Variants in PCDHGA8 observed in about 807,000 individuals in gnomAD.
PCDHGA8 encodes protocadherin gamma-A8.
In PCDHGA8, 45 loss-of-function variants were observed where a neutral mutation model predicts 59.2. The ratio of observed to expected loss-of-function variants is 0.76; its 90% CI spans 0.60 to 0.98. PCDHGA8 has a LOEUF of 0.98. PCDHGA8 is among the 50% of genes least tolerant of loss of function. The pLI, the probability that PCDHGA8 is intolerant of heterozygous loss-of-function variation, is 0.00. For synonymous variants in PCDHGA8, 531 were observed against 519.0 expected, an observed-to-expected ratio of 1.02 and a Z score of -0.32; for missense variants, 1,257 against 1,196.2, an observed-to-expected ratio of 1.05 and a Z score of -0.75.
chr5:141,436,713 G>T (rs2097842329), intron 1 of PCDHGA8, among the ~76,000 whole-genome samples: 1 of 152,190 alleles, frequency 6.6e-6, no homozygotes, highest in Non-Finnish European at 1.5e-5. Context: ...TCGATGTTCT[G>T]TTGGGAAAAA....
intron 1 of PCDHGA8, among the ~76,000 whole-genome samples, chr5:141,401,278 G>T (rs1355696847): frequency 6.6e-6 from 1 of 152,160 alleles, no homozygotes; most frequent in Non-Finnish European, 1.5e-5. Context: ...GCAGGTGGAG[G>T]TTGCGGTGAG....
intron 1 of PCDHGA8, chr5:141,423,660 G>T (rs765304048): frequency 1.3e-6 from 2 of 1,560,582 alleles, no homozygotes; most frequent in Non-Finnish European, 8.6e-7. Context: ...CAAGTAATCA[G>T]GTGAGATTTA....
rs377061064 is a variant in PCDHGA8, at chr5:141,505,429, C to A, written c.2520C>A (p.Asn840Lys). 1.2e-6 allele frequency: 2 copies of A among 1,614,116 alleles called. No homozygotes were observed. Among genetic ancestry groups the A allele is most frequent in the African/African-American group, 1.3e-5 (1 of 74,938 alleles). Residue 840 changes from asparagine (N) to lysine (K), a missense_variant, in exon 3 of 4, where the codon AAC becomes AAA. Asn to Lys is a moderately conservative substitution (Grantham distance 94, BLOSUM62 0). Coordinates refer to ENST00000398604, the MANE Select transcript of PCDHGA8 (RefSeq NM_032088.2). ...QNGDDTGTWP[N>K]NQFDTEMLQA... ...GCGATGACACCGGCACCTGGCCCAA[C>A]AACCAGTTTGACACAGAGATGCTGC...
intron 1 of PCDHGA8, chr5:141,426,510 T>C: frequency 2.9e-6 from 1 of 342,914 alleles, no homozygotes; most frequent in Non-Finnish European, 5.8e-6. Context: ...AACAATACTT[T>C]ACCGTGAACA....
intron 1 of PCDHGA8, chr5:141,410,263 A>G (rs532833925): frequency 1.4e-5 from 22 of 1,613,876 alleles, no homozygotes; most frequent in African/African-American, 2.7e-5. Flanking sequence ...CCCAGGCTGA[A>G]CTGCAGTTTT....
At chr5:141,416,200 T>G (rs1318033556) in intron 1 of PCDHGA8, 2 of 152,444 alleles carry the variant, frequency 1.3e-5, no homozygotes, top group African/African-American at 4.8e-5. Context: ...ATTAACAATT[T>G]ATTTATAACA....
At chr5:141,425,521 C>A (rs2096880944) in intron 1 of PCDHGA8, among the ~76,000 whole-genome samples, 1 of 152,210 alleles carries the variant, frequency 6.6e-6, no homozygotes, top group Non-Finnish European at 1.5e-5. Flanking sequence ...TATGATGAAA[C>A]ATGAAACAAT....
At chr5:141,438,362 T>C (rs1471364176) in intron 1 of PCDHGA8, among the ~76,000 whole-genome samples, 1 of 151,850 alleles carries the variant, frequency 6.6e-6, no homozygotes, top group East Asian at 1.9e-4. Flanking sequence ...TGTATTGTCA[T>C]TGAGGGCAGA....
At chr5:141,481,282 T>C (rs2099534931) in intron 1 of PCDHGA8, among the ~76,000 whole-genome samples, 1 of 152,148 alleles carries the variant, frequency 6.6e-6, no homozygotes, top group African/African-American at 2.4e-5. Flanking sequence ...CATAAAATGG[T>C]ATTTCAGTCA....
chr5:141,421,457 C>T (rs377073702), intron 1 of PCDHGA8: 9 of 1,614,014 alleles, frequency 5.6e-6, no homozygotes, highest in African/African-American at 2.7e-5. Flanking sequence ...CAGCTTTTCG[C>T]TGTGAATCCG....
At position 141,394,850 on chromosome 5, in the gene PCDHGA8, G is replaced by GC; in HGVS notation, c.2039dup (p.Ser681PhefsTer64). On this transcript the variant is annotated frameshift_variant, in exon 1 of 4. Transcript: ENST00000398604. LOFTEE classifies it high-confidence loss of function. The stretch of plus-strand genomic sequence containing the variant: ...TCCTGACCGAGTTGGGCAGTCTGAA[G>GC]CCTTCGGTCGACCCGAACGATTCGA... 1 of 1,613,820 alleles carries GC rather than the reference G, an allele frequency of 6.2e-7. No individual in the cohort carries two copies.
intron 2 of PCDHGA8, among the ~76,000 whole-genome samples, chr5:141,495,758 C>T (rs2099763543): frequency 6.6e-6 from 1 of 152,122 alleles, no homozygotes; most frequent in Non-Finnish European, 1.5e-5. Flanking sequence ...ATCTCTGCCT[C>T]CCTGTCCTTG....
At chr5:141,430,252 A>C (rs1292590200) in intron 1 of PCDHGA8, among the ~76,000 whole-genome samples, 1 of 102,244 alleles carries the variant, frequency 9.8e-6, no homozygotes, top group Admixed American at 1.0e-4. Context: ...CTAGGGAGAC[A>C]TCTCCATAAT....
intron 1 of PCDHGA8, among the ~76,000 whole-genome samples, chr5:141,482,498 T>G (rs1226516612): frequency 1.5e-5 from 2 of 135,390 alleles, no homozygotes; most frequent in African/African-American, 3.0e-5. Context: ...GTTATCATTC[T>G]GGTACCCAGA....
In PCDHGA8 at chr5:141,493,364, TTGGAAC is replaced by T. The variant is rs1405602213; in HGVS notation, c.2425-1441_2425-1436del. Among the ~76,000 whole-genome samples, 1 of 152,184 alleles carries T rather than the reference TTGGAAC, an allele frequency of 6.6e-6. No homozygotes were observed. Among genetic ancestry groups the T allele is most frequent in the South Asian group, 2.1e-4 (1 of 4,824 alleles). On this transcript the variant is annotated intron_variant, in intron 1 of 3. Coordinates refer to ENST00000398604, the MANE Select transcript of PCDHGA8 (RefSeq NM_032088.2). The surrounding 1 kb of genome is among the most constrained non-coding windows in gnomAD (Gnocchi z 4.3). Reference sequence around the variant, plus strand: ...ATGTGTGCTTTTAATTTCTTGGCACTTGGAACTTTAAAAGCTTGAGGACAGGAGAGG... The same window carrying T: ...ATGTGTGCTTTTAATTTCTTGGCACTTTTAAAAGCTTGAGGACAGGAGAGG...
intron 1 of PCDHGA8, chr5:141,415,403 A>C (rs757508926): frequency 4.3e-6 from 7 of 1,614,082 alleles, no homozygotes; most frequent in Non-Finnish European, 4.2e-6. Context: ...TCCGGCTCGC[A>C]CTTTGTGGGC....
chr5:141,420,669 G>A (rs1018355067), intron 1 of PCDHGA8, among the ~76,000 whole-genome samples: 2 of 152,202 alleles, frequency 1.3e-5, no homozygotes, highest in South Asian at 2.1e-4. Context: ...CATCCTACCT[G>A]ATGATTTTAT....
rs1410419839 is a variant in PCDHGA8 at position 141,429,391 on chromosome 5, A to ATTTT, written c.2424+34154_2424+34155insTTTT. Among the ~76,000 whole-genome samples, 380 of 151,312 alleles carry ATTTT rather than the reference A, an allele frequency of 2.5e-3. 1 individual carries two copies. The highest frequency in any genetic ancestry group is 4.2e-3 in the South Asian group (20 of 4,768). On this transcript the variant is annotated intron_variant, in intron 1 of 3. Coordinates refer to ENST00000398604, the MANE Select transcript of PCDHGA8 (RefSeq NM_032088.2). The stretch of plus-strand genomic sequence containing the variant: ...GGAGAAAATGTGTTTTTTTTTTAAA[A>ATTTT]AAAATTGAGATTAAGGTCTCATTAT...
chr5:141,452,088 AAG>A (rs1200732162), intron 1 of PCDHGA8, among the ~76,000 whole-genome samples: 2 of 152,206 alleles, frequency 1.3e-5, no homozygotes, highest in African/African-American at 4.8e-5. Flanking sequence ...ATTATACAGT[AAG>A]AAAGAGCTTT....
Sources: allele counts gnomAD v4.1 joint callset (sites outside exome capture counted in the v4.1 genomes callset), GRCh38; gene constraint gnomAD v4.1.1; non-coding constraint Gnocchi (gnomAD v3.1); transcripts MANE v1.5; gene names NCBI Gene and HGNC (gene_info 2026-07-23, HGNC 2026-07-21).